The following PTPRT variants were observed in gnomAD, a reference collection of about 807,000 sequenced individuals.
The protein encoded by PTPRT is receptor-type tyrosine-protein phosphatase T.
In PTPRT, 56 loss-of-function variants were observed where a neutral mutation model predicts 176.8. The observed-to-expected ratio is 0.32, with a 90% CI of 0.26 to 0.40. PTPRT has a LOEUF of 0.40. PTPRT is among the 10% of genes least tolerant of loss of function. PTPRT has a pLI of 1.00. For synonymous variants in PTPRT, 783 were observed against 739.0 expected (o/e 1.06, Z -0.96); for missense variants, 1,540 against 1,908.2 (o/e 0.81, Z 3.60).
chr20:42,305,919 T>C (rs547441977), intron 12 of PTPRT, among the ~76,000 whole-genome samples: 5 of 152,284 alleles, frequency 3.3e-5, no homozygotes, highest in African/African-American at 1.2e-4. Flanking sequence ...TTCCTTACAT[T>C]GTAGGGGCCT....
chr20:42,634,750 G>A (rs1226771803), intron 7 of PTPRT, among the ~76,000 whole-genome samples: 3 of 152,050 alleles, frequency 2.0e-5, no homozygotes, highest in African/African-American at 4.8e-5. Flanking sequence ...AAAAAGATGA[G>A]TTTGCTTCAA....
chr20:42,270,798 G>C (rs1336386570), intron 13 of PTPRT, among the ~76,000 whole-genome samples: 1 of 152,046 alleles, frequency 6.6e-6, no homozygotes, highest in Non-Finnish European at 1.5e-5. Flanking sequence ...TTCTCTGTTA[G>C]ACTTCCCTTT....
At chr20:42,880,359 G>T (rs1333275327) in intron 2 of PTPRT, among the ~76,000 whole-genome samples, 1 of 152,168 alleles carries the variant, frequency 6.6e-6, no homozygotes, top group South Asian at 2.1e-4. Context: ...TTTATGTAAA[G>T]AAGAGAAATA....
chr20:42,218,812 G>C (rs2055824364), intron 15 of PTPRT, among the ~76,000 whole-genome samples: 1 of 152,192 alleles, frequency 6.6e-6, no homozygotes, highest in African/African-American at 2.4e-5. Flanking sequence ...CCGGCTGTGT[G>C]GGACAAGTCT....
At chr20:43,130,700 T>C (rs1481510518) in intron 1 of PTPRT, among the ~76,000 whole-genome samples, 1 of 151,956 alleles carries the variant, frequency 6.6e-6, no homozygotes, top group East Asian at 1.9e-4. Context: ...CAAAAATCTG[T>C]TCGTCATGCT....
intron 1 of PTPRT, among the ~76,000 whole-genome samples, chr20:43,079,823 C>G (rs1458499127): frequency 6.6e-6 from 1 of 152,078 alleles, no homozygotes. Flanking sequence ...TTTTTCTTTT[C>G]CCTTCCAATC....
intron 7 of PTPRT, among the ~76,000 whole-genome samples, chr20:42,626,370 C>G (rs758526619): frequency 5.9e-5 from 9 of 152,152 alleles, no homozygotes; most frequent in Non-Finnish European, 8.8e-5. Flanking sequence ...CTAACACTTA[C>G]CACTCTACAG....
intron 11 of PTPRT, among the ~76,000 whole-genome samples, chr20:42,342,684 C>T (rs2058129654): frequency 6.6e-6 from 1 of 152,192 alleles, no homozygotes; most frequent in African/African-American, 2.4e-5. Context: ...ATCTGAGAAT[C>T]AGACGGTAAT....
intron 1 of PTPRT, among the ~76,000 whole-genome samples, chr20:43,086,209 C>T (rs778599709): frequency 6.6e-6 from 1 of 152,152 alleles, no homozygotes; most frequent in East Asian, 1.9e-4. Flanking sequence ...AAGGGCCAAC[C>T]AACCCGCTGT....
intron 17 of PTPRT, among the ~76,000 whole-genome samples, 154 bp from the exon 18 acceptor site, chr20:42,142,156 T>A (rs1398916362): frequency 6.6e-6 from 1 of 152,188 alleles, no homozygotes; most frequent in African/African-American, 2.4e-5. Flanking sequence ...GGACATAGAT[T>A]TTGTCTGTCC....
At chr20:42,416,344 C>T (rs1194543945) in intron 9 of PTPRT, among the ~76,000 whole-genome samples, 1 of 152,128 alleles carries the variant, frequency 6.6e-6, no homozygotes, top group Non-Finnish European at 1.5e-5. Context: ...CCCGCAAACA[C>T]CTTGGTTTTA....
chr20:42,350,224 T>TTTTTG (rs554965959), intron 11 of PTPRT, among the ~76,000 whole-genome samples: 1 of 25,618 alleles, frequency 3.9e-5, no homozygotes, highest in Admixed American at 5.8e-4. Context: ...GTTTTTTTTT[T>TTTTTG]TTTTTTTTTT....
At chr20:42,475,354 C>T (rs2071271263) in intron 7 of PTPRT, among the ~76,000 whole-genome samples, 3 of 152,176 alleles carry the variant, frequency 2.0e-5, no homozygotes, top group Admixed American at 2.0e-4. Flanking sequence ...CTATCAGTTG[C>T]ACTCTCTATG....
intron 27 of PTPRT, among the ~76,000 whole-genome samples, chr20:42,091,706 T>C (rs953695918): frequency 6.6e-6 from 1 of 152,080 alleles, no homozygotes; most frequent in Non-Finnish European, 1.5e-5. Context: ...GATCCAAAAA[T>C]ATATAATTGG....
At chr20:43,032,051 C>G (rs1202573825) in intron 1 of PTPRT, among the ~76,000 whole-genome samples, 5 of 152,184 alleles carry the variant, frequency 3.3e-5, no homozygotes, top group South Asian at 2.1e-4. Context: ...AGGCACCACG[C>G]ATGACTATGA....
At chr20:42,998,038 T>C (rs1413114657) in intron 1 of PTPRT, among the ~76,000 whole-genome samples, 1 of 152,178 alleles carries the variant, frequency 6.6e-6, no homozygotes, top group Non-Finnish European at 1.5e-5. Context: ...GAGGGAACAT[T>C]GGCTAACATT....
chr20:42,377,243 C>T (rs1021976714), intron 9 of PTPRT, among the ~76,000 whole-genome samples: 3 of 152,146 alleles, frequency 2.0e-5, no homozygotes, highest in Non-Finnish European at 4.4e-5. Context: ...CAAGGGAGAT[C>T]TGCCTGTGAG....
intron 16 of PTPRT, among the ~76,000 whole-genome samples, chr20:42,188,623 G>T (rs562868517): frequency 6.6e-6 from 1 of 152,110 alleles, no homozygotes; most frequent in Non-Finnish European, 1.5e-5. Flanking sequence ...TTGAGCAGAG[G>T]GGGGGAAATT....
intron 2 of PTPRT, among the ~76,000 whole-genome samples, chr20:42,824,548 C>G (rs1394696412): frequency 6.6e-6 from 1 of 151,908 alleles, no homozygotes; most frequent in Admixed American, 6.6e-5. Context: ...TTCTGGAATA[C>G]TGATTAACTA....
Sources: allele counts gnomAD v4.1 joint callset (sites outside exome capture counted in the v4.1 genomes callset), GRCh38; gene constraint gnomAD v4.1.1; transcripts MANE v1.5; gene names NCBI Gene and HGNC (gene_info 2026-07-23, HGNC 2026-07-21).